ISM1: variants seen among roughly 807,000 people sequenced by gnomAD.
ISM1 encodes the protein isthmin 1, also known as isthmin-1.
A neutral mutation model predicts 46.3 loss-of-function variants in ISM1; 25 were observed. The observed-to-expected ratio is 0.54, with a 90% CI of 0.39 to 0.75. The LOEUF (loss-of-function observed/expected upper bound fraction) is 0.75. Ranked by LOEUF, ISM1 falls within the 30% of genes least tolerant of loss-of-function variation. The pLI, the probability that ISM1 is intolerant of heterozygous loss-of-function variation, is 0.00. For missense variants in ISM1, 536 were observed against 625.4 expected (o/e 0.86, Z 1.52); for synonymous variants, 255 against 256.7 (o/e 0.99, Z 0.06).
intron 3 of ISM1, among the ~76,000 whole-genome samples, chr20:13,280,399 C>CG (rs1288795461): frequency 1.4e-5 from 2 of 147,654 alleles, no homozygotes; most frequent in African/African-American, 4.9e-5. Context: ...TAACCCCCCC[C>CG]CCCCAATACA....
At chr20:13,250,142 G>T (rs58423579) in intron 1 of ISM1, among the ~76,000 whole-genome samples, 16,353 of 152,182 alleles carry the variant, frequency 0.11, 1,038 homozygotes, top group African/African-American at 0.16. Context: ...CTGCTCCCAG[G>T]GTTCATGCCA....
At position 13,221,758 on chromosome 20, in the gene ISM1, A is replaced by G. The variant is rs1467410820; in HGVS notation, c.-19A>G. 4.9e-6 allele frequency: 7 copies of G among 1,425,948 alleles called. No individual in the cohort carries two copies. In the East Asian group the frequency reaches 2.2e-4, roughly 44 times the overall value. 88.3% of individuals were successfully genotyped at this position (1,425,948 alleles called of 1,614,324 possible). ...CGCCGGCCGCCGCGCCGGGTCCTAA[A>G]GCCGCGCGTCTCAAAAGGATGGTGC... On this transcript the variant is annotated 5_prime_UTR_variant, in exon 1 of 6. Coordinates refer to ENST00000262487, the MANE Select transcript of ISM1 (RefSeq NM_080826.2).
At chr20:13,264,497 T>A (rs2040022039) in intron 1 of ISM1, among the ~76,000 whole-genome samples, 1 of 152,214 alleles carries the variant, frequency 6.6e-6, no homozygotes, top group African/African-American at 2.4e-5. Context: ...ATCTTCCTCC[T>A]ATTGTAGTGC....
At position 13,279,834 on chromosome 20, in the gene ISM1, C is replaced by A. The variant is rs936000140; in HGVS notation, c.579C>A (p.Pro193=). The change falls in exon 3 of 6, where the codon CCC becomes CCA. Residue 193 remains proline, a synonymous_variant. Coordinates refer to ENST00000262487, the MANE Select transcript of ISM1 (RefSeq NM_080826.2). ...ACGACAGCAACTTCCTCAACCCCCC[C>A]AGGGGGTGGGACCATACAGCCCCAG... ...TSDDSNFLNP[P]RGWDHTAPGH... 6.2e-6 allele frequency: 10 copies of A among 1,613,770 alleles called. No homozygotes were observed. The highest frequency in any genetic ancestry group is 1.3e-5 in the African/African-American group (1 of 74,938).
chr20:13,226,364 T>A (rs1600475206), intron 1 of ISM1, among the ~76,000 whole-genome samples: 2 of 152,236 alleles, frequency 1.3e-5, no homozygotes, highest in South Asian at 4.1e-4. Flanking sequence ...TGTTTCTTAT[T>A]TTGTGACTTA....
At chr20:13,292,553 A>G (rs2040364963) in intron 5 of ISM1, 90 bp downstream of exon 5, 1 of 805,768 alleles carries the variant, frequency 1.2e-6, no homozygotes, top group East Asian at 2.7e-5. Flanking sequence ...GATCCACGTA[A>G]ATGTTTCATT....
intron 1 of ISM1, among the ~76,000 whole-genome samples, chr20:13,223,109 A>G (rs1357098812): frequency 6.6e-6 from 1 of 151,890 alleles, no homozygotes; most frequent in Non-Finnish European, 1.5e-5. Flanking sequence ...GTGAGCTGAG[A>G]TCGCGCCACT....
intron 3 of ISM1, among the ~76,000 whole-genome samples, chr20:13,285,063 G>A (rs28645852): frequency 1.3e-5 from 2 of 152,196 alleles, no homozygotes; most frequent in Non-Finnish European, 2.9e-5. Context: ...AAGGCAGGAG[G>A]ATTGCCTGAA....
intron 2 of ISM1, among the ~76,000 whole-genome samples, chr20:13,274,322 T>C (rs2040149903): frequency 6.6e-6 from 1 of 152,190 alleles, no homozygotes; most frequent in Admixed American, 6.5e-5. Context: ...ACAGCCCTGC[T>C]GGTCCCTGAC....
At position 13,228,715 on chromosome 20, in the gene ISM1, G is replaced by C. The variant is rs2039556171; in HGVS notation, c.138+6801G>C. On this transcript the variant is annotated intron_variant, in intron 1 of 5. Transcript: ENST00000262487. Reference sequence around the variant, plus strand: ...TCTCCAGCTTGAAAAAATTTCTTTAGTTATATCTTTGGTATTTCCAATATC... The same window carrying C: ...TCTCCAGCTTGAAAAAATTTCTTTACTTATATCTTTGGTATTTCCAATATC... Among the ~76,000 whole-genome samples the C allele has an allele frequency of 2.0e-5, 3 of 151,996 alleles. No individual in the cohort carries two copies. In the South Asian group the frequency reaches 6.2e-4, roughly 32 times the overall value.
In ISM1 at chr20:13,279,936, G is replaced by T. The variant is rs780305491; in HGVS notation, c.643+38G>T. The T allele has an allele frequency of 1.2e-5, 19 of 1,587,110 alleles. No homozygotes were observed. The East Asian group carries it at 3.6e-4, about 30-fold the overall frequency. On this transcript the variant is annotated intron_variant, in intron 3 of 5. Coordinates refer to ENST00000262487, the MANE Select transcript of ISM1 (RefSeq NM_080826.2). ...CCTAGTAATATAAAATTGGTGGGAA[G>T]AATAAACGAGGATGATGCCTTGGAC...
the ISM1 span, among the ~76,000 whole-genome samples, chr20:13,324,860 A>T: frequency 1.3e-5 from 2 of 152,188 alleles, no homozygotes; most frequent in African/African-American, 4.8e-5. Flanking sequence ...TATTTTCTGG[A>T]TGAGAAAATT....
At chr20:13,289,235 G>A (rs978447824) in intron 4 of ISM1, among the ~76,000 whole-genome samples, 7 of 152,218 alleles carry the variant, frequency 4.6e-5, no homozygotes, top group Admixed American at 2.6e-4. Context: ...ACTCTGGTTA[G>A]ATTGGGTTTT....
rs2039444639 is a variant in ISM1 at position 13,221,402 on chromosome 20, C to G, written c.-375C>G. On this transcript the variant is annotated 5_prime_UTR_variant, in exon 1 of 6. Transcript: ENST00000262487. ...CGCCCCGCCGCCGACCCCGCAGCCCCCTGCCAGCAGGGTGGCCTCCGGCCC... is the reference window on the plus strand; with the variant it reads ...CGCCCCGCCGCCGACCCCGCAGCCCGCTGCCAGCAGGGTGGCCTCCGGCCC... Among the ~76,000 whole-genome samples the G allele has an allele frequency of 6.8e-6, 1 of 146,736 alleles. No individual in the cohort carries two copies. Among genetic ancestry groups the G allele is most frequent in the Non-Finnish European group, 1.5e-5 (1 of 65,580 alleles).
chr20:13,239,274 CTCTG>C (rs2039689344), intron 1 of ISM1, among the ~76,000 whole-genome samples: 1 of 152,218 alleles, frequency 6.6e-6, no homozygotes, highest in African/African-American at 2.4e-5. Flanking sequence ...TGCCCTGAAA[CTCTG>C]TCTGGTGTGG....
At chr20:13,313,383 T>A in the ISM1 span, among the ~76,000 whole-genome samples, 1 of 152,224 alleles carries the variant, frequency 6.6e-6, no homozygotes, top group East Asian at 1.9e-4. Context: ...CTTGTGTCAA[T>A]CACAGAATTT....
intron 5 of ISM1, among the ~76,000 whole-genome samples, chr20:13,295,832 G>C (rs1044262749): frequency 6.6e-6 from 1 of 152,198 alleles, no homozygotes; most frequent in Non-Finnish European, 1.5e-5. Flanking sequence ...GCAGCCAGGG[G>C]GTGGATGTTA....
At chr20:13,303,271 T>C (rs1029018307), downstream of ISM1, among the ~76,000 whole-genome samples, 13 of 152,220 alleles carry the variant, frequency 8.5e-5, no homozygotes, top group African/African-American at 3.1e-4. Context: ...TGCTTTTCTG[T>C]GACTCACTGC....
downstream of ISM1, among the ~76,000 whole-genome samples, chr20:13,304,164 C>T (rs2040480921): frequency 6.6e-6 from 1 of 152,190 alleles, no homozygotes; most frequent in East Asian, 1.9e-4. Flanking sequence ...CCAATGCTTC[C>T]AGTCACTCTC....
Sources: allele counts gnomAD v4.1 joint callset (sites outside exome capture counted in the v4.1 genomes callset), GRCh38; gene constraint gnomAD v4.1.1; transcripts MANE v1.5; gene names NCBI Gene and HGNC (gene_info 2026-07-23, HGNC 2026-07-21).